The following PTPRB variants were observed in gnomAD, a reference collection of about 807,000 sequenced individuals.
PTPRB encodes the protein receptor-type tyrosine-protein phosphatase beta.
In PTPRB, 97 loss-of-function variants were observed where a neutral mutation model predicts 238.1. The ratio of observed to expected loss-of-function variants is 0.41; its 90% confidence interval spans 0.35 to 0.48. PTPRB has a LOEUF of 0.48. Among genes scored for constraint, PTPRB ranks in the 20% least tolerant of loss-of-function variants. The pLI is 0.30. For missense variants in PTPRB, 2,292 were observed against 2,681.9 expected (o/e 0.85, Z 3.21); for synonymous variants, 970 against 995.4 (o/e 0.97, Z 0.48).
intron 2 of PTPRB, among the ~76,000 whole-genome samples, chr12:70,632,050 C>T (rs573649625): frequency 1.2e-4 from 19 of 152,190 alleles, no homozygotes; most frequent in Non-Finnish European, 2.6e-4. Context: ...ACTAGAAATA[C>T]CATTTGACCC....
rs1240434892 is a variant in PTPRB at position 70,517,784 on chromosome 12, C to G, written c.*3705G>C. On this transcript the variant is annotated 3_prime_UTR_variant, in exon 34 of 34. Transcript: ENST00000334414. The stretch of plus-strand genomic sequence containing the variant: ...CTCAGAGTTTGGGCTCAGATACTAC[C>G]ACTGCTGTTGTGCAGATCTGGTAGC... The G allele has an allele frequency of 6.6e-6, 1 of 152,164 alleles. No homozygotes were observed. Among genetic ancestry groups the G allele is most frequent in the African/African-American group, 2.4e-5 (1 of 41,430 alleles). The allele number at this position is 152,164 out of a possible 1,614,324, so 9.4% of individuals were successfully genotyped here.
chr12:70,526,271 T>C (rs2136204407), intron 32 of PTPRB, among the ~76,000 whole-genome samples: 1 of 152,326 alleles, frequency 6.6e-6, no homozygotes, highest in African/African-American at 2.4e-5. Flanking sequence ...GACACAATCA[T>C]AGCTCACTGC....
chr12:70,622,187 C>T (rs1418286471), intron 3 of PTPRB, among the ~76,000 whole-genome samples: 2 of 152,174 alleles, frequency 1.3e-5, no homozygotes, highest in Admixed American at 6.5e-5. Flanking sequence ...ATCGGCATCT[C>T]ATAAAGATAT....
At chr12:70,609,788 G>C (rs371928230) in intron 3 of PTPRB, 4 of 1,587,718 alleles carry the variant, frequency 2.5e-6, no homozygotes, top group Non-Finnish European at 2.6e-6. Context: ...TGATCCACAA[G>C]GCCAACCCGG....
chr12:70,622,537 A>G lies in PTPRB; in HGVS notation c.561T>C (p.Asn187=). Residue 187 remains asparagine (N), a synonymous_variant, in exon 3 of 34, where the codon AAT becomes AAC. Coordinates refer to ENST00000334414, the MANE Select transcript of PTPRB (RefSeq NM_001109754.4). Reference sequence around the variant, plus strand: ...CATTTCTGATGAAGGCCTCTGTGGTATTCCTAATAAGGAATACCAGGCCAT... The same window carrying G: ...CATTTCTGATGAAGGCCTCTGTGGTGTTCCTAATAAGGAATACCAGGCCAT... The part of the protein sequence containing the change: ...VPDGLVFLIR[N]TTEAFIRNAA... 1 of 1,611,068 alleles carries G rather than the reference A, an allele frequency of 6.2e-7. No individual in the cohort carries two copies. Among genetic ancestry groups the G allele is most frequent in the South Asian group, 1.1e-5 (1 of 90,718 alleles).
At chr12:70,568,983 T>G (rs1035139149) in intron 14 of PTPRB, among the ~76,000 whole-genome samples, 2 of 152,232 alleles carry the variant, frequency 1.3e-5, no homozygotes, top group Non-Finnish European at 2.9e-5. Flanking sequence ...CATTTGATAC[T>G]TGTTTTTTTA....
intron 4 of PTPRB, 21 bp downstream of exon 4, chr12:70,609,048 A>G (rs1440847759): frequency 4.3e-6 from 7 of 1,612,564 alleles, no homozygotes; most frequent in South Asian, 1.1e-5. Flanking sequence ...TGGCCATCCA[A>G]TTGCACCTGT....
At chr12:70,561,069 G>T in intron 16 of PTPRB, 135 bp from the exon 17 acceptor site, 1 of 923,660 alleles carries the variant, frequency 1.1e-6, no homozygotes, top group Non-Finnish European at 1.7e-6. Context: ...TACATTTCAG[G>T]CCATTTAACT....
At chr12:70,540,796 G>A (rs1370684423) in intron 23 of PTPRB, 62 bp downstream of exon 23, 5 of 1,215,134 alleles carry the variant, frequency 4.1e-6, no homozygotes, top group South Asian at 4.1e-5. Context: ...CAGCCTAAAG[G>A]GAATTTTCAG....
chr12:70,597,532 A>G (rs1883136954), intron 4 of PTPRB, among the ~76,000 whole-genome samples: 1 of 152,220 alleles, frequency 6.6e-6, no homozygotes, highest in Non-Finnish European at 1.5e-5. Context: ...TGCTGAGAGT[A>G]GAACTATTGA....
intron 3 of PTPRB, among the ~76,000 whole-genome samples, chr12:70,620,202 C>T (rs1012314051): frequency 6.6e-6 from 1 of 152,214 alleles, no homozygotes; most frequent in Non-Finnish European, 1.5e-5. Flanking sequence ...TGCAGTGAAT[C>T]TCACTCTAGA....
In PTPRB at chr12:70,595,271, G is replaced by A. The variant is rs947757910; in HGVS notation, c.1259-547C>T. On this transcript the variant is annotated intron_variant, in intron 5 of 33. Coordinates refer to ENST00000334414, the MANE Select transcript of PTPRB (RefSeq NM_001109754.4). ...AATGAGAACACATGGACACAGGGAG[G>A]GGAACATCACACACGGGGACCTGTT... Among the ~76,000 whole-genome samples, 7 of 151,984 alleles carry A rather than the reference G, an allele frequency of 4.6e-5. No individual in the cohort carries two copies. The South Asian group carries it at 6.2e-4, about 14-fold the overall frequency.
Position 70,581,230 on chromosome 12 carries a change from T to A in PTPRB, c.2384A>T (p.Gln795Leu), listed in dbSNP as rs761728438. ...GTAAAATTCTACGTCTCCTTGTGCC[T>A]GGGTCCAGTTAGTAAACAGACTACT... ...MTSSLFTNWT[Q>L]AQGDVEFYQV... The change falls in exon 10 of 34, where the codon CAG becomes CTG. Residue 795 changes from glutamine to leucine, a missense_variant. This residue lies in a region of PTPRB where 1,205 missense variants were observed against 1,287.8 expected (regional missense o/e 0.94). Coordinates refer to ENST00000334414, the MANE Select transcript of PTPRB (RefSeq NM_001109754.4). The A allele has an allele frequency of 6.2e-7, 1 of 1,613,984 alleles. No individual in the cohort carries two copies. The highest frequency in any genetic ancestry group is 8.5e-7 in the Non-Finnish European group (1 of 1,179,870).
At chr12:70,632,213 T>C (rs1208090671) in intron 2 of PTPRB, among the ~76,000 whole-genome samples, 1 of 151,942 alleles carries the variant, frequency 6.6e-6, no homozygotes, top group Non-Finnish European at 1.5e-5. Flanking sequence ...ATTAAGAAAA[T>C]GTGGCACATA....
intron 4 of PTPRB, among the ~76,000 whole-genome samples, chr12:70,608,349 GT>G (rs1884136623): frequency 6.6e-6 from 1 of 151,898 alleles, no homozygotes; most frequent in African/African-American, 2.4e-5. Flanking sequence ...ATACCTAAGT[GT>G]TGAGCACTTG....
At chr12:70,615,311 A>G (rs1025638164) in intron 3 of PTPRB, among the ~76,000 whole-genome samples, 10 of 152,224 alleles carry the variant, frequency 6.6e-5, no homozygotes, top group South Asian at 6.2e-4. Flanking sequence ...TCAACACCCA[A>G]AGACATTTAA....
intron 1 of PTPRB, among the ~76,000 whole-genome samples, chr12:70,636,926 TA>T (rs1885725622): frequency 6.6e-6 from 1 of 152,150 alleles, no homozygotes; most frequent in South Asian, 2.1e-4. Flanking sequence ...AACTTCCAAA[TA>T]AAACACACTA....
chr12:70,614,641 G>A (rs74687964), intron 3 of PTPRB, among the ~76,000 whole-genome samples: 4,437 of 152,212 alleles, frequency 0.029, 96 homozygotes, highest in Non-Finnish European at 0.042. Context: ...TTAGACATAA[G>A]GCCAGTTTGA....
At chr12:70,553,801 T>C (rs1186599073) in intron 20 of PTPRB, among the ~76,000 whole-genome samples, 1 of 152,204 alleles carries the variant, frequency 6.6e-6, no homozygotes, top group Admixed American at 6.5e-5. Context: ...TTAGAAATAT[T>C]TTGTTGGCAG....
Sources: gnomAD v4.1 joint callset for allele counts (sites outside exome capture counted in the v4.1 genomes callset) on GRCh38, gnomAD v4.1.1 for gene constraint, gnomAD v4.1.1 regional missense constraint, MANE v1.5 for transcripts, NCBI Gene and HGNC (gene_info 2026-07-23, HGNC 2026-07-21) for gene names.